The following SNTG1 variants were observed in gnomAD, a reference collection of about 807,000 sequenced individuals.
SNTG1 encodes the protein syntrophin gamma 1, also known as gamma-1-syntrophin.
In SNTG1, 39 loss-of-function variants were observed where a neutral mutation model predicts 74.7. That is an observed-to-expected ratio of 0.52 (90% confidence interval 0.40 to 0.68). The LOEUF is 0.68. Ranked by LOEUF, SNTG1 falls within the 30% of genes least tolerant of loss-of-function variation. The pLI is 0.00. For synonymous variants in SNTG1, 254 were observed against 217.1 expected, an observed-to-expected ratio of 1.17 and a Z score of -1.49; for missense variants, 685 against 609.5, an observed-to-expected ratio of 1.12 and a Z score of -1.30.
chr8:50,666,008 T>C (rs2095249284), intron 15 of SNTG1, among the ~76,000 whole-genome samples: 1 of 152,176 alleles, frequency 6.6e-6, no homozygotes, highest in Admixed American at 6.6e-5. Flanking sequence ...AAATTATGCA[T>C]GTCTGATAGG....
chr8:49,967,851 G>A (rs1173124168), intron 1 of SNTG1, among the ~76,000 whole-genome samples: 14 of 152,092 alleles, frequency 9.2e-5, no homozygotes, highest in Non-Finnish European at 2.9e-5. Context: ...ATTACATCTC[G>A]CTACTGACAT....
chr8:49,984,513 G>C (rs770479133), intron 1 of SNTG1, among the ~76,000 whole-genome samples: 13 of 152,000 alleles, frequency 8.6e-5, no homozygotes, highest in Non-Finnish European at 1.8e-4. Context: ...CCTAGATAGG[G>C]TCAAATATAA....
chr8:50,148,111 T>C lies in SNTG1; in HGVS notation c.-102-24450T>C, dbSNP rs572710924. 1.5e-3 allele frequency among the ~76,000 whole-genome samples: 221 copies of C among 152,256 alleles called. No individual in the cohort carries two copies. The Middle Eastern group carries it at 0.021, about 14-fold the overall frequency. ...ATATGCGTAACATAGCGTGTGTGTG[T>C]ATACATAGATATATATCCTATATAA... On this transcript the variant is annotated intron_variant, in intron 1 of 18. Transcript: ENST00000642720.
chr8:50,339,239 C>T (rs1369448578), intron 2 of SNTG1, among the ~76,000 whole-genome samples: 1 of 152,032 alleles, frequency 6.6e-6, no homozygotes, highest in East Asian at 1.9e-4. Context: ...TGAAACTCCT[C>T]AGTCAAACAA....
At chr8:50,733,331 T>C (rs2095517620) in intron 17 of SNTG1, among the ~76,000 whole-genome samples, 2 of 152,002 alleles carry the variant, frequency 1.3e-5, no homozygotes, top group African/African-American at 4.8e-5. Context: ...CAATCTACCA[T>C]TGATAGGGAC....
chr8:50,625,821 A>C lies in SNTG1; in HGVS notation c.850-31088A>C, dbSNP rs143268479. ...CATCTAAATTTGTCATAAAATTCTTAAAAATGACAAGAGTTTTCTGATATA... is the reference window on the plus strand; with the variant it reads ...CATCTAAATTTGTCATAAAATTCTTCAAAATGACAAGAGTTTTCTGATATA... On this transcript the variant is annotated intron_variant, in intron 13 of 18. Transcript: ENST00000642720. Among the ~76,000 whole-genome samples, 150 of 152,350 alleles carry C rather than the reference A, an allele frequency of 9.8e-4. No individual in the cohort carries two copies. The East Asian group carries it at 0.025, about 25-fold the overall frequency.
chr8:50,528,063 T>C (rs1320527733), intron 9 of SNTG1, among the ~76,000 whole-genome samples: 1 of 152,050 alleles, frequency 6.6e-6, no homozygotes. Context: ...CGTTTTTCTA[T>C]ATACACGATT....
At chr8:50,045,476 C>T (rs1819005017) in intron 1 of SNTG1, among the ~76,000 whole-genome samples, 1 of 152,116 alleles carries the variant, frequency 6.6e-6, no homozygotes, top group Non-Finnish European at 1.5e-5. Context: ...CAATTTCACC[C>T]CCATGATCCA....
At chr8:50,022,157 A>T (rs1457744017) in intron 1 of SNTG1, among the ~76,000 whole-genome samples, 2 of 152,186 alleles carry the variant, frequency 1.3e-5, no homozygotes, top group Non-Finnish European at 2.9e-5. Context: ...TGTCATTTTT[A>T]ACAAGACATA....
intron 2 of SNTG1, among the ~76,000 whole-genome samples, chr8:50,346,671 T>C (rs2091486966): frequency 6.6e-6 from 1 of 152,212 alleles, no homozygotes; most frequent in Non-Finnish European, 1.5e-5. Flanking sequence ...AAGAGAAAGA[T>C]TTTGAAGGAA....
intron 8 of SNTG1, among the ~76,000 whole-genome samples, chr8:50,496,566 A>C (rs1389518229): frequency 1.3e-5 from 2 of 152,202 alleles, no homozygotes; most frequent in Admixed American, 1.3e-4. Flanking sequence ...GAACCAAAAA[A>C]TGTTGTATGA....
chr8:50,151,727 A>C (rs933691706), intron 1 of SNTG1, among the ~76,000 whole-genome samples: 1 of 152,196 alleles, frequency 6.6e-6, no homozygotes, highest in African/African-American at 2.4e-5. Context: ...GTTTTGAGTG[A>C]GTTTCTTAAT....
intron 2 of SNTG1, among the ~76,000 whole-genome samples, chr8:50,292,575 C>T (rs75936508): frequency 7.9e-5 from 12 of 151,994 alleles, no homozygotes; most frequent in African/African-American, 2.2e-4. Context: ...CTGTGTCTGG[C>T]GCCCAGATGG....
At chr8:50,334,022 A>G (rs1187768364) in intron 2 of SNTG1, among the ~76,000 whole-genome samples, 2 of 152,088 alleles carry the variant, frequency 1.3e-5, no homozygotes, top group East Asian at 3.9e-4. Flanking sequence ...TCAGCCTCCC[A>G]AGTAGCTGGG....
intron 2 of SNTG1, among the ~76,000 whole-genome samples, chr8:50,217,970 G>T (rs1172633934): frequency 5.9e-5 from 9 of 152,228 alleles, no homozygotes; most frequent in Non-Finnish European, 1.0e-4. Flanking sequence ...GTTAAGTTCT[G>T]CTCTGTGAAT....
At chr8:50,259,631 C>A (rs1419938871) in intron 2 of SNTG1, among the ~76,000 whole-genome samples, 2 of 151,384 alleles carry the variant, frequency 1.3e-5, no homozygotes, top group Non-Finnish European at 1.5e-5. Context: ...TGTTCCTAGA[C>A]AATCCATCTT....
intron 1 of SNTG1, among the ~76,000 whole-genome samples, chr8:50,112,942 A>G (rs2080659776): frequency 6.6e-6 from 1 of 152,128 alleles, no homozygotes; most frequent in Middle Eastern, 3.4e-3. Context: ...ATTCTGTTCC[A>G]TTGGTCTATA....
chr8:50,483,560 A>G (rs963999298), intron 8 of SNTG1, among the ~76,000 whole-genome samples: 1 of 152,050 alleles, frequency 6.6e-6, no homozygotes, highest in African/African-American at 2.4e-5. Flanking sequence ...CAGGGTATTT[A>G]TATTGTACTC....
At chr8:50,295,968 G>A (rs1182648145) in intron 2 of SNTG1, among the ~76,000 whole-genome samples, 1 of 152,166 alleles carries the variant, frequency 6.6e-6, no homozygotes, top group East Asian at 1.9e-4. Context: ...GATGGCATTT[G>A]AGTGTGTGCA....
Sources: allele counts gnomAD v4.1 joint callset (sites outside exome capture counted in the v4.1 genomes callset), GRCh38; gene constraint gnomAD v4.1.1; transcripts MANE v1.5; gene names NCBI Gene and HGNC (gene_info 2026-07-23, HGNC 2026-07-21).